Variants in NFATC2 observed in about 807,000 individuals in gnomAD.
The protein encoded by NFATC2 is nuclear factor of activated T-cells, cytoplasmic 2.
NFATC2 carries 22 observed loss-of-function variants against 87.3 expected under a neutral mutation model. The observed-to-expected ratio is 0.25, with a 90% CI of 0.18 to 0.36. The LOEUF is 0.36. Ranked by LOEUF, NFATC2 falls within the 10% of genes least tolerant of loss-of-function variation. The probability of loss-of-function intolerance (pLI) is 1.00; values close to 1 mark genes in which losing one functional copy is unlikely to be tolerated. For missense variants in NFATC2, 1,149 were observed against 1,259.1 expected (o/e 0.91, Z 1.32); for synonymous variants, 565 against 542.2 (o/e 1.04, Z -0.58).
At chr20:51,482,519 CATTTT>C (rs1298505023) in intron 3 of NFATC2, among the ~76,000 whole-genome samples, 4 of 152,076 alleles carry the variant, frequency 2.6e-5, no homozygotes, top group Non-Finnish European at 4.4e-5. Flanking sequence ...TTTTATTATT[CATTTT>C]ATTTTTCCTC....
At chr20:51,549,254 T>TTTGGTTTTTTTGTTTG (rs1397133056) in intron 1 of NFATC2, among the ~76,000 whole-genome samples, 5 of 126,856 alleles carry the variant, frequency 3.9e-5, no homozygotes, top group Non-Finnish European at 6.4e-5. Flanking sequence ...CTTGAGGTTT[T>TTTGGTTTTTTTGTTTG]TTGGTTTTTT....
chr20:51,420,944 C>T (rs1398827152), intron 9 of NFATC2, among the ~76,000 whole-genome samples: 29 of 151,854 alleles, frequency 1.9e-4, no homozygotes, highest in Non-Finnish European at 8.8e-5. Flanking sequence ...ACCTACAGTC[C>T]CAGCTATGCT....
chr20:51,389,767 A>G lies in NFATC2; in HGVS notation c.*1729T>C, dbSNP rs1009995819. 3.3e-5 allele frequency: 5 copies of G among 152,044 alleles called. No individual in the cohort carries two copies. The highest frequency in any genetic ancestry group is 7.4e-5 in the Non-Finnish European group (5 of 68,022). 9.4% of individuals were successfully genotyped at this position (152,044 alleles called of 1,614,324 possible). A position where few individuals can be genotyped will look rare whatever the true frequency, so the allele number is the denominator to read the frequency against. On this transcript the variant is annotated 3_prime_UTR_variant, in exon 11 of 11. Transcript: ENST00000371564. ...CTGGCCCCACTCCCAGGAAGCTTTT[A>G]CCTCTGGGTAACCTTGACGGGAGAG...
intron 3 of NFATC2, among the ~76,000 whole-genome samples, chr20:51,501,082 G>A (rs892257298): frequency 1.3e-5 from 2 of 151,360 alleles, no homozygotes; most frequent in Non-Finnish European, 2.9e-5. Flanking sequence ...AAACACAGAT[G>A]GTTTTTCTCT....
intron 2 of NFATC2, among the ~76,000 whole-genome samples, chr20:51,519,277 G>A (rs2076403140): frequency 6.6e-6 from 1 of 152,018 alleles, no homozygotes; most frequent in Admixed American, 6.6e-5. Flanking sequence ...CATATCCCCA[G>A]GTATCAATTT....
chr20:51,399,592 T>A (rs1987764302), intron 9 of NFATC2, among the ~76,000 whole-genome samples: 1 of 152,242 alleles, frequency 6.6e-6, no homozygotes, highest in Non-Finnish European at 1.5e-5. Context: ...CTTATGCAGT[T>A]AGAGGCCTGG....
chr20:51,559,755 T>C (rs999588152), intron 1 of NFATC2, among the ~76,000 whole-genome samples: 2 of 152,238 alleles, frequency 1.3e-5, no homozygotes, highest in African/African-American at 4.8e-5. Context: ...GTCACTGTGC[T>C]CCTTATCTGC....
Position 51,458,129 on chromosome 20 carries a change from G to A in NFATC2, c.1709-3441C>T, listed in dbSNP as rs547232192. The stretch of plus-strand genomic sequence containing the variant: ...TGGGCTCAAGCGATCTGCCTGCCTC[G>A]GCCTCCCGAAGTGTTGGGATTATAG... On this transcript the variant is annotated intron_variant, in intron 5 of 10. Transcript: ENST00000371564. 2.7e-4 allele frequency among the ~76,000 whole-genome samples: 41 copies of A among 152,150 alleles called. No individual in the cohort carries two copies. The South Asian group carries it at 7.1e-3, about 26-fold the overall frequency.
In NFATC2 at chr20:51,391,960, G is replaced by A. The variant is rs2223755; in HGVS notation, c.*45-509C>T. 2.5e-3 allele frequency among the ~76,000 whole-genome samples: 379 copies of A among 152,218 alleles called. 2 individuals carry two copies. Among genetic ancestry groups the A allele is most frequent in the African/African-American group, 8.5e-3 (353 of 41,512 alleles). ...TCTGTTAGTGAAAATTGCTCAAATG[G>A]TAACTTTTTCAAATCTTTGTGGCAG... On this transcript the variant is annotated intron_variant, in intron 10 of 10. Coordinates refer to ENST00000371564, the MANE Select transcript of NFATC2 (RefSeq NM_012340.5).
rs757996175 is a variant in NFATC2 at position 51,523,282 on chromosome 20, G to A, written c.959C>T (p.Pro320Leu). The A allele has an allele frequency of 1.6e-5, 26 of 1,613,746 alleles. No homozygotes were observed. The highest frequency in any genetic ancestry group is 5.3e-5 in the African/African-American group (4 of 74,924). Reference protein sequence around the residue: ...LATDSPCGIPPKMWKTSPDPS... With the variant: ...LATDSPCGIPLKMWKTSPDPS... ...GTCAGGGCTGGTCTTCCACATCTTG[G>A]GGGGGATCCCACAAGGCGAGTCCGT... The change falls in exon 2 of 11, where the codon CCC becomes CTC. Residue 320 changes from proline (P) to leucine (L), a missense_variant. Pro to Leu is a moderately conservative substitution (Grantham distance 98, BLOSUM62 -3). Coordinates refer to ENST00000371564, the MANE Select transcript of NFATC2 (RefSeq NM_012340.5). This position sits in a 1 kb window ranked among gnomAD's most constrained non-coding sequence, Gnocchi z 6.9.
intron 3 of NFATC2, among the ~76,000 whole-genome samples, chr20:51,492,839 C>T (rs1004803391): frequency 1.3e-5 from 2 of 152,220 alleles, no homozygotes; most frequent in Non-Finnish European, 2.9e-5. Context: ...CAAGTGAGCG[C>T]CGGCCGGGGC....
At chr20:51,518,674 TAAAAAG>T (rs1352358400) in intron 2 of NFATC2, among the ~76,000 whole-genome samples, 2 of 152,222 alleles carry the variant, frequency 1.3e-5, no homozygotes, top group Non-Finnish European at 2.9e-5. Flanking sequence ...GATACAATGA[TAAAAAG>T]AAAACAAAAA....
chr20:51,541,882 T>C (rs2076822721), intron 1 of NFATC2, among the ~76,000 whole-genome samples: 1 of 152,126 alleles, frequency 6.6e-6, no homozygotes, highest in Non-Finnish European at 1.5e-5. Context: ...CTCACTTCAG[T>C]GCCTGGAGGG....
At chr20:51,402,339 C>T (rs138205324) in intron 9 of NFATC2, among the ~76,000 whole-genome samples, 35 of 152,286 alleles carry the variant, frequency 2.3e-4, no homozygotes, top group African/African-American at 7.0e-4. Context: ...AAAGTAGCAA[C>T]CACAGGCAGG....
At chr20:51,415,811 T>TTCCTCC (rs906688274) in intron 9 of NFATC2, among the ~76,000 whole-genome samples, 2 of 152,168 alleles carry the variant, frequency 1.3e-5, no homozygotes, top group Non-Finnish European at 2.9e-5. Context: ...CTTCCTTCCA[T>TTCCTCC]TCCTCCTCCT....
In NFATC2 at chr20:51,390,650, A is replaced by C; in HGVS notation, c.*846T>G. 6.5e-6 allele frequency: 1 copy of C among 153,666 alleles called. No individual in the cohort carries two copies. 9.5% of individuals were successfully genotyped at this position (153,666 alleles called of 1,614,324 possible). Reference sequence around the variant, plus strand: ...TGCAGGGGTTAAAGAACAGCTCGCCAAGACAGCTCCAGGGCTAGGTGCCCT... The same window carrying C: ...TGCAGGGGTTAAAGAACAGCTCGCCCAGACAGCTCCAGGGCTAGGTGCCCT... On this transcript the variant is annotated 3_prime_UTR_variant, in exon 11 of 11. Transcript: ENST00000371564.
chr20:51,542,520 T>G lies in NFATC2; in HGVS notation c.-21A>C. Reference sequence around the variant, plus strand: ...TTCATGGCGCGCAGGGCGGGAAGGCTGCGGGGCCGGGGGCGAGGGCGGGCG... The same window carrying G: ...TTCATGGCGCGCAGGGCGGGAAGGCGGCGGGGCCGGGGGCGAGGGCGGGCG... On this transcript the variant is annotated 5_prime_UTR_variant, in exon 1 of 11. Coordinates refer to ENST00000371564, the MANE Select transcript of NFATC2 (RefSeq NM_012340.5). The G allele has an allele frequency of 7.1e-7, 1 of 1,405,910 alleles. No homozygotes were observed. Among genetic ancestry groups the G allele is most frequent in the Non-Finnish European group, 9.2e-7 (1 of 1,084,552 alleles). The allele number at this position is 1,405,910 out of a possible 1,614,324, so 87.1% of individuals were successfully genotyped here.
At chr20:51,393,923 CTT>C (rs1568918504) in intron 10 of NFATC2, among the ~76,000 whole-genome samples, 2 of 152,136 alleles carry the variant, frequency 1.3e-5, no homozygotes, top group African/African-American at 2.4e-5. Context: ...AGTAGGGAAA[CTT>C]TTCAAACAGG....
chr20:51,402,899 G>A (rs1360325155), intron 9 of NFATC2, among the ~76,000 whole-genome samples: 2 of 152,192 alleles, frequency 1.3e-5, no homozygotes, highest in South Asian at 2.1e-4. Context: ...CATGGCCCCT[G>A]ATTCTTAGAA....
Sources: gnomAD v4.1 joint callset for allele counts (sites outside exome capture counted in the v4.1 genomes callset) on GRCh38, gnomAD v4.1.1 for gene constraint, Gnocchi (gnomAD v3.1) non-coding constraint, MANE v1.5 for transcripts, NCBI Gene and HGNC (gene_info 2026-07-23, HGNC 2026-07-21) for gene names.